COL15A1: variants seen among roughly 807,000 people sequenced by gnomAD.
COL15A1 encodes collagen type XV alpha 1 chain, also known as collagen alpha-1(XV) chain.
In COL15A1, 111 loss-of-function variants were observed where a neutral mutation model predicts 165.9. That is an observed-to-expected ratio of 0.67 (90% CI 0.57 to 0.78). The LOEUF (loss-of-function observed/expected upper bound fraction) is 0.78, where lower values mean the gene tolerates loss of function less well. COL15A1 is among the 30% of genes least tolerant of loss of function. The pLI, the probability that COL15A1 is intolerant of heterozygous loss-of-function variation, is 0.00. For missense variants in COL15A1, 1,745 were observed against 1,789.7 expected, an observed-to-expected ratio of 0.98 and a Z score of 0.45; for synonymous variants, 659 against 674.8, an observed-to-expected ratio of 0.98 and a Z score of 0.36.
chr9:98,982,395 A>T (rs1010406716), intron 2 of COL15A1, among the ~76,000 whole-genome samples: 1 of 152,202 alleles, frequency 6.6e-6, no homozygotes, highest in Admixed American at 6.5e-5. Context: ...TTTAGTTTGT[A>T]GTTTACATTT....
chr9:98,962,514 T>C (rs1837880390), intron 2 of COL15A1, among the ~76,000 whole-genome samples: 1 of 152,208 alleles, frequency 6.6e-6, no homozygotes, highest in Admixed American at 6.5e-5. Flanking sequence ...AACATTTTTA[T>C]ATTATTAAAA....
intron 11 of COL15A1, among the ~76,000 whole-genome samples, chr9:99,019,439 T>G (rs1444523809): frequency 5.3e-5 from 8 of 152,026 alleles, no homozygotes; most frequent in Non-Finnish European, 1.2e-4. Context: ...GGTCTTGAAC[T>G]CCTGACCTCA....
intron 2 of COL15A1, among the ~76,000 whole-genome samples, chr9:98,968,893 G>A (rs999094271): frequency 9.2e-5 from 14 of 152,108 alleles, no homozygotes; most frequent in African/African-American, 3.4e-4. Flanking sequence ...TTCAGGCTGG[G>A]GCAGAGAATT....
chr9:98,972,981 C>G (rs1468635594), intron 2 of COL15A1, among the ~76,000 whole-genome samples: 1 of 152,222 alleles, frequency 6.6e-6, no homozygotes, highest in Non-Finnish European at 1.5e-5. Context: ...TGGGGCTTGA[C>G]TCCCTACTCT....
At chr9:99,013,921 A>G (rs1309112609) in intron 9 of COL15A1, among the ~76,000 whole-genome samples, 1 of 152,206 alleles carries the variant, frequency 6.6e-6, no homozygotes, top group East Asian at 1.9e-4. Flanking sequence ...AAAGTAAACG[A>G]AAGAAAAAAA....
At chr9:99,037,925 G>A (rs957150511) in intron 21 of COL15A1, among the ~76,000 whole-genome samples, 2 of 152,190 alleles carry the variant, frequency 1.3e-5, no homozygotes, top group African/African-American at 4.8e-5. Flanking sequence ...GCACATGGGT[G>A]TGTGTAGAGA....
chr9:99,025,845 CGT>C (rs1438046133), intron 15 of COL15A1, 57 bp from the exon 16 acceptor site: 1 of 1,555,862 alleles, frequency 6.4e-7, no homozygotes, highest in Non-Finnish European at 8.8e-7. Flanking sequence ...TTCTAGCAAG[CGT>C]GTGTATGTGA....
At chr9:98,989,069 T>G (rs1462016839) in intron 4 of COL15A1, 109 bp from the exon 5 acceptor site, 10 of 586,826 alleles carry the variant, frequency 1.7e-5, no homozygotes, top group East Asian at 3.8e-5. Flanking sequence ...CACACACGGT[T>G]TCCCTGTAGG....
chr9:99,023,076 T>A (rs1045866947), intron 13 of COL15A1, among the ~76,000 whole-genome samples: 1 of 151,920 alleles, frequency 6.6e-6, no homozygotes, highest in African/African-American at 2.4e-5. Flanking sequence ...GGGCTTCGTG[T>A]AGGAGGAGAC....
intron 4 of COL15A1, 90 bp from the exon 5 acceptor site, chr9:98,989,088 T>C: frequency 2.2e-6 from 2 of 900,094 alleles, no homozygotes; most frequent in Non-Finnish European, 3.7e-6. Flanking sequence ...GGAGAGTCGG[T>C]TTGTCAGTTT....
chr9:99,038,796 C>A, intron 22 of COL15A1, 63 bp downstream of exon 22: 2 of 991,764 alleles, frequency 2.0e-6, no homozygotes, highest in Non-Finnish European at 3.2e-6. Flanking sequence ...GAAACAAAGT[C>A]GGGTTACTTT....
At chr9:99,022,845 A>G (rs865976407) in intron 13 of COL15A1, among the ~76,000 whole-genome samples, 6 of 152,342 alleles carry the variant, frequency 3.9e-5, no homozygotes, top group Middle Eastern at 3.4e-3. Flanking sequence ...CCATTCAAGT[A>G]TGCACTGAGG....
In COL15A1 at chr9:98,975,024, C is replaced by G. The variant is rs551126244; in HGVS notation, c.101-10541C>G. On this transcript the variant is annotated intron_variant, in intron 2 of 41. Coordinates refer to ENST00000375001, the MANE Select transcript of COL15A1 (RefSeq NM_001855.5). ...CGCTTTGAGTCTGTTGTTGGGATCCCGGTTCACAGCGCAGGTGGAAAGCCT... is the reference window on the plus strand; with the variant it reads ...CGCTTTGAGTCTGTTGTTGGGATCCGGGTTCACAGCGCAGGTGGAAAGCCT... 6.0e-5 allele frequency among the ~76,000 whole-genome samples: 9 copies of G among 151,212 alleles called. No individual in the cohort carries two copies. The South Asian group carries it at 1.2e-3, about 21-fold the overall frequency.
At chr9:99,037,434 T>A (rs1267809689) in intron 21 of COL15A1, among the ~76,000 whole-genome samples, 1 of 152,170 alleles carries the variant, frequency 6.6e-6, no homozygotes. Flanking sequence ...TAAAGATAAG[T>A]AAGGCCAGGC....
intron 13 of COL15A1, 114 bp downstream of exon 13, chr9:99,022,264 A>T: frequency 7.5e-7 from 1 of 1,327,602 alleles, no homozygotes; most frequent in East Asian, 2.3e-5. Flanking sequence ...TTGCAGTCAG[A>T]CCCTAGGGCT....
At chr9:99,057,007 A>G (rs555438301) in intron 35 of COL15A1, among the ~76,000 whole-genome samples, 4 of 152,202 alleles carry the variant, frequency 2.6e-5, no homozygotes, top group Non-Finnish European at 2.9e-5. Context: ...GCTACTATGA[A>G]CTTTCGTGTA....
chr9:99,064,302 G>A (rs1825861468), intron 39 of COL15A1, among the ~76,000 whole-genome samples: 2 of 152,174 alleles, frequency 1.3e-5, no homozygotes, highest in South Asian at 4.1e-4. Context: ...CCAATCAAGA[G>A]TTACCAGGAG....
chr9:99,036,449 GGGA>G (rs1839303933), intron 21 of COL15A1, 53 bp downstream of exon 21: 2 of 1,587,220 alleles, frequency 1.3e-6, no homozygotes, highest in South Asian at 1.1e-5. Context: ...CTTTGCCAAA[GGGA>G]GGAGAAGGTT....
At chr9:99,064,475 G>C (rs1235330771) in intron 39 of COL15A1, among the ~76,000 whole-genome samples, 1 of 152,184 alleles carries the variant, frequency 6.6e-6, no homozygotes, top group Non-Finnish European at 1.5e-5. Context: ...GGTTCTGAAG[G>C]TCTGAAACCC....
Sources: gnomAD v4.1 joint callset for allele counts (sites outside exome capture counted in the v4.1 genomes callset) on GRCh38, gnomAD v4.1.1 for gene constraint, MANE v1.5 for transcripts, NCBI Gene and HGNC (gene_info 2026-07-23, HGNC 2026-07-21) for gene names.